MICU1: variants seen among roughly 807,000 people sequenced by gnomAD.
The protein encoded by MICU1 is mitochondrial calcium uptake 1.
In MICU1, 45 loss-of-function variants were observed where a neutral mutation model predicts 56.8. The observed-to-expected ratio is 0.79, with a 90% CI of 0.62 to 1.02. MICU1 has a LOEUF of 1.02. MICU1 is among the 50% of genes least tolerant of loss of function. MICU1 has a pLI of 0.00. For synonymous variants in MICU1, 186 were observed against 195.1 expected (o/e 0.95, Z 0.39); for missense variants, 504 against 587.1 (o/e 0.86, Z 1.46).
chr10:72,413,675 A>G (rs1470980066), intron 9 of MICU1, among the ~76,000 whole-genome samples: 2 of 152,000 alleles, frequency 1.3e-5, no homozygotes, highest in Non-Finnish European at 2.9e-5. Context: ...CAGAGGTTCA[A>G]GTGAGCTGAG....
chr10:72,398,464 GAC>G (rs1306978528), intron 10 of MICU1, among the ~76,000 whole-genome samples: 1 of 150,090 alleles, frequency 6.7e-6, no homozygotes, highest in Non-Finnish European at 1.5e-5. Context: ...AAGAGATAGA[GAC>G]ACAAAAAAAA....
intron 1 of MICU1, among the ~76,000 whole-genome samples, chr10:72,604,327 G>A (rs1006708768): frequency 2.4e-5 from 3 of 124,820 alleles, no homozygotes; most frequent in Admixed American, 7.9e-5. Flanking sequence ...AGGCTGCAGC[G>A]CAATGTTGTG....
At chr10:72,541,722 CATTA>C (rs1274546975) in intron 4 of MICU1, among the ~76,000 whole-genome samples, 1 of 152,120 alleles carries the variant, frequency 6.6e-6, no homozygotes, top group African/African-American at 2.4e-5. Flanking sequence ...GCTGGCCTTG[CATTA>C]ATTAAACTCT....
intron 10 of MICU1, among the ~76,000 whole-genome samples, chr10:72,395,837 C>T (rs1177141704): frequency 6.6e-6 from 1 of 152,240 alleles, no homozygotes; most frequent in Non-Finnish European, 1.5e-5. Context: ...TAGACTCCAC[C>T]TCTATGGGCA....
chr10:72,461,687 T>C (rs1461339252), intron 8 of MICU1, among the ~76,000 whole-genome samples: 2 of 152,228 alleles, frequency 1.3e-5, no homozygotes, highest in Non-Finnish European at 2.9e-5. Context: ...CAGTGGCTCA[T>C]GCCTGTAATC....
chr10:72,569,233 ATATATTT>A (rs1379860084), intron 1 of MICU1, among the ~76,000 whole-genome samples: 10 of 40,332 alleles, frequency 2.5e-4, no homozygotes, highest in African/African-American at 8.1e-4. Context: ...ATATATATAT[ATATATTT>A]TTTTTTTTTT....
chr10:72,567,962 G>T (rs1840486208), intron 1 of MICU1, among the ~76,000 whole-genome samples: 1 of 152,124 alleles, frequency 6.6e-6, no homozygotes, highest in Non-Finnish European at 1.5e-5. Context: ...ATATTTTACA[G>T]ATCTAAAATA....
chr10:72,530,513 A>G (rs1327119555), intron 5 of MICU1, among the ~76,000 whole-genome samples: 2 of 152,054 alleles, frequency 1.3e-5, no homozygotes, highest in African/African-American at 4.8e-5. Flanking sequence ...CATATTTTCA[A>G]AATAATATCA....
At chr10:72,591,696 CTCTAAT>C (rs1354029498) in intron 1 of MICU1, among the ~76,000 whole-genome samples, 1 of 152,096 alleles carries the variant, frequency 6.6e-6, no homozygotes, top group Non-Finnish European at 1.5e-5. Flanking sequence ...ATGAAAGGGT[CTCTAAT>C]TAGTAGATTA....
At chr10:72,494,404 A>G (rs1349682265) in intron 6 of MICU1, among the ~76,000 whole-genome samples, 1 of 152,212 alleles carries the variant, frequency 6.6e-6, no homozygotes, top group Non-Finnish European at 1.5e-5. Flanking sequence ...AATTCTGAAC[A>G]TAAAGAAAAA....
intron 1 of MICU1, among the ~76,000 whole-genome samples, chr10:72,569,238 T>TATATATA (rs1554890955): frequency 6.7e-5 from 2 of 29,780 alleles, no homozygotes; most frequent in South Asian, 1.6e-3. Flanking sequence ...TATATATATA[T>TATATATA]TTTTTTTTTT....
chr10:72,482,726 T>C (rs1866340585), intron 6 of MICU1, among the ~76,000 whole-genome samples: 1 of 151,934 alleles, frequency 6.6e-6, no homozygotes, highest in Non-Finnish European at 1.5e-5. Context: ...TTATCATGTC[T>C]CTAAAAAGGC....
chr10:72,432,855 C>T (rs187105615), intron 8 of MICU1, among the ~76,000 whole-genome samples: 4 of 152,296 alleles, frequency 2.6e-5, no homozygotes, highest in Non-Finnish European at 4.4e-5. Flanking sequence ...AACCACATCA[C>T]TCAGTTTGCC....
chr10:72,496,758 G>C (rs1866858892), intron 6 of MICU1, among the ~76,000 whole-genome samples: 1 of 152,006 alleles, frequency 6.6e-6, no homozygotes, highest in African/African-American at 2.4e-5. Context: ...GTTTAATAGA[G>C]ACAGAGTTTC....
chr10:72,428,138 G>GC (rs557096890), intron 8 of MICU1, among the ~76,000 whole-genome samples: 337 of 152,252 alleles, frequency 2.2e-3, no homozygotes, highest in Middle Eastern at 0.014. Context: ...ACACTAACAA[G>GC]GTTGTCTTTT....
At chr10:72,569,370 G>C (rs1363223281) in intron 1 of MICU1, among the ~76,000 whole-genome samples, 1 of 150,010 alleles carries the variant, frequency 6.7e-6, no homozygotes, top group African/African-American at 2.5e-5. Flanking sequence ...GAGTAGCTGG[G>C]ACTACAGGCA....
chr10:72,441,121 C>T (rs1396526559), intron 8 of MICU1, among the ~76,000 whole-genome samples: 1 of 152,064 alleles, frequency 6.6e-6, no homozygotes, highest in African/African-American at 2.4e-5. Flanking sequence ...CGCGGCACTA[C>T]TCACAATAGC....
intron 3 of MICU1, among the ~76,000 whole-genome samples, chr10:72,558,370 G>T (rs1840210840): frequency 6.6e-6 from 1 of 152,222 alleles, no homozygotes. Context: ...AGGAAGAAAT[G>T]AAGTTGTAGG....
intron 9 of MICU1, among the ~76,000 whole-genome samples, chr10:72,419,010 G>A (rs1340460478): frequency 6.6e-6 from 1 of 152,156 alleles, no homozygotes; most frequent in African/African-American, 2.4e-5. Flanking sequence ...TCATTTTAGA[G>A]CTCTTTTGCA....
Sources: allele counts gnomAD v4.1 joint callset (sites outside exome capture counted in the v4.1 genomes callset), GRCh38; gene constraint gnomAD v4.1.1; transcripts MANE v1.5; gene names NCBI Gene and HGNC (gene_info 2026-07-23, HGNC 2026-07-21).